GRM7: variants seen among roughly 807,000 people sequenced by gnomAD.
GRM7 encodes metabotropic glutamate receptor 7.
GRM7 carries 35 observed loss-of-function variants against 84.5 expected under a neutral mutation model. That is an observed-to-expected ratio of 0.41 (90% confidence interval 0.32 to 0.55). The LOEUF is 0.55. Among genes scored for constraint, GRM7 ranks in the 20% least tolerant of loss-of-function variants. GRM7 has a pLI of 0.19. For synonymous variants in GRM7, 487 were observed against 455.1 expected (o/e 1.07, Z -0.89); for missense variants, 1,003 against 1,194.6 (o/e 0.84, Z 2.36).
intron 1 of GRM7, among the ~76,000 whole-genome samples, chr3:6,949,879 G>C (rs923778471): frequency 6.6e-6 from 1 of 152,164 alleles, no homozygotes; most frequent in African/African-American, 2.4e-5. Flanking sequence ...TTGTCATGTA[G>C]TTCTTGTGCC....
At chr3:7,009,780 T>A (rs1401698946) in intron 1 of GRM7, among the ~76,000 whole-genome samples, 1 of 152,154 alleles carries the variant, frequency 6.6e-6, no homozygotes, top group Non-Finnish European at 1.5e-5. Context: ...AAAGAGACCT[T>A]AACTAGGGTC....
rs1306718371 is a variant in GRM7 at position 6,941,570 on chromosome 3, C to A, written c.519+79663C>A. 3.9e-5 allele frequency among the ~76,000 whole-genome samples: 6 copies of A among 152,278 alleles called. No individual in the cohort carries two copies. The East Asian group carries it at 1.2e-3, about 29-fold the overall frequency. On this transcript the variant is annotated intron_variant, in intron 1 of 9. Coordinates refer to ENST00000357716, the MANE Select transcript of GRM7 (RefSeq NM_000844.4). Reference sequence around the variant, plus strand: ...CCTCTAATCGTGTGACTTAATTCCACTATTTGAAGGATTTTCAACTGATTT... The same window carrying A: ...CCTCTAATCGTGTGACTTAATTCCAATATTTGAAGGATTTTCAACTGATTT...
intron 1 of GRM7, among the ~76,000 whole-genome samples, chr3:7,029,955 A>G (rs1307914706): frequency 6.6e-6 from 1 of 152,224 alleles, no homozygotes; most frequent in African/African-American, 2.4e-5. Context: ...ATCCTAGAGA[A>G]AAGAAAGTAT....
intron 2 of GRM7, among the ~76,000 whole-genome samples, chr3:7,244,849 A>G (rs1281661927): frequency 6.6e-6 from 1 of 152,100 alleles, no homozygotes; most frequent in Non-Finnish European, 1.5e-5. Flanking sequence ...GCAAACCAAG[A>G]TAGACTGCAT....
At chr3:7,523,781 G>T (rs547832642) in intron 7 of GRM7, among the ~76,000 whole-genome samples, 2 of 152,056 alleles carry the variant, frequency 1.3e-5, no homozygotes, top group Non-Finnish European at 2.9e-5. Flanking sequence ...TAGGTGGATC[G>T]GGATATAGTG....
chr3:7,086,131 G>C (rs1259545894), intron 1 of GRM7, among the ~76,000 whole-genome samples: 1 of 152,094 alleles, frequency 6.6e-6, no homozygotes, highest in Non-Finnish European at 1.5e-5. Flanking sequence ...CAGTCATTAG[G>C]CACATTAGCA....
chr3:7,244,246 A>G (rs1697670934), intron 2 of GRM7, among the ~76,000 whole-genome samples: 1 of 152,172 alleles, frequency 6.6e-6, no homozygotes, highest in South Asian at 2.1e-4. Context: ...CTTAAAACAC[A>G]GACATATTGT....
At chr3:7,078,288 G>A (rs566043150) in intron 1 of GRM7, among the ~76,000 whole-genome samples, 11 of 152,290 alleles carry the variant, frequency 7.2e-5, no homozygotes, top group African/African-American at 2.4e-4. Flanking sequence ...AAACTTGTTA[G>A]AAATGCAGAA....
intron 9 of GRM7, among the ~76,000 whole-genome samples, chr3:7,726,611 C>A (rs1702136329): frequency 5.7e-5 from 4 of 70,460 alleles, no homozygotes; most frequent in South Asian, 5.4e-4. Flanking sequence ...CTCTCTCTCC[C>A]TCTATATATA....
chr3:7,616,796 C>T (rs1479571763), intron 8 of GRM7, among the ~76,000 whole-genome samples: 2 of 152,038 alleles, frequency 1.3e-5, no homozygotes, highest in Non-Finnish European at 2.9e-5. Context: ...AGATTTACTT[C>T]AGTTTTACTG....
intron 2 of GRM7, among the ~76,000 whole-genome samples, chr3:7,240,719 A>G (rs1182965041): frequency 1.3e-5 from 2 of 152,072 alleles, no homozygotes; most frequent in African/African-American, 2.4e-5. Context: ...TTCCACATGA[A>G]GGTAGCATGG....
rs568413891 is a variant in GRM7, at chr3:7,585,898, A to G, written c.2451+6541A>G. The stretch of plus-strand genomic sequence containing the variant: ...AGGGGACTGCCAAATTCTCGGCTCC[A>G]TAGACTATAGGTCACAATACTGGCC... On this transcript the variant is annotated intron_variant, in intron 8 of 9. Coordinates refer to ENST00000357716, the MANE Select transcript of GRM7 (RefSeq NM_000844.4). 1.8e-4 allele frequency among the ~76,000 whole-genome samples: 28 copies of G among 152,190 alleles called. No homozygotes were observed. In the South Asian group the frequency reaches 2.3e-3, roughly 12 times the overall value.
chr3:7,049,320 T>C (rs989180144), intron 1 of GRM7, among the ~76,000 whole-genome samples: 1 of 151,958 alleles, frequency 6.6e-6, no homozygotes, highest in Non-Finnish European at 1.5e-5. Flanking sequence ...GGCCTCACAA[T>C]CATGGCAGAA....
intron 8 of GRM7, among the ~76,000 whole-genome samples, chr3:7,654,448 G>A (rs932037196): frequency 6.6e-6 from 1 of 152,154 alleles, no homozygotes; most frequent in Admixed American, 6.5e-5. Flanking sequence ...GTTTATAAAT[G>A]AATGGCCCTA....
chr3:6,883,267 T>C (rs1315803813), intron 1 of GRM7, among the ~76,000 whole-genome samples: 1 of 152,110 alleles, frequency 6.6e-6, no homozygotes, highest in East Asian at 1.9e-4. Flanking sequence ...TAACTTTTTA[T>C]ATATTATAAT....
intron 7 of GRM7, among the ~76,000 whole-genome samples, chr3:7,490,108 C>A (rs1699467819): frequency 6.6e-6 from 1 of 151,894 alleles, no homozygotes; most frequent in African/African-American, 2.4e-5. Context: ...ATTTTAAAAT[C>A]CAAGTTTACA....
intron 4 of GRM7, chr3:7,403,182 G>A (rs1421523286): frequency 1.1e-5 from 5 of 445,822 alleles, no homozygotes; most frequent in Non-Finnish European, 2.3e-5. Context: ...GGAGAAATGG[G>A]TAGGTGCCAT....
chr3:7,415,634 C>T (rs1035249899), intron 5 of GRM7, among the ~76,000 whole-genome samples: 11 of 152,124 alleles, frequency 7.2e-5, no homozygotes, highest in African/African-American at 2.7e-4. Flanking sequence ...TTAAAATATT[C>T]ACGGCTCCTT....
At chr3:7,087,175 G>C (rs1413093612) in intron 1 of GRM7, among the ~76,000 whole-genome samples, 1 of 152,148 alleles carries the variant, frequency 6.6e-6, no homozygotes, top group African/African-American at 2.4e-5. Flanking sequence ...AATTTATTTA[G>C]TGGTTAAGAT....
Sources: gnomAD v4.1 joint callset for allele counts (sites outside exome capture counted in the v4.1 genomes callset) on GRCh38, gnomAD v4.1.1 for gene constraint, MANE v1.5 for transcripts, NCBI Gene and HGNC (gene_info 2026-07-23, HGNC 2026-07-21) for gene names.